Variants in BRWD1 observed in about 807,000 individuals in gnomAD.
The protein encoded by BRWD1 is bromodomain and WD repeat-containing protein 1.
Under a neutral mutation model 251.2 loss-of-function variants are expected in BRWD1, and 82 were observed. That is an observed-to-expected ratio of 0.33 (90% confidence interval 0.27 to 0.39). The LOEUF (loss-of-function observed/expected upper bound fraction) is 0.39. Ranked by LOEUF, BRWD1 falls within the 10% of genes least tolerant of loss-of-function variation. The pLI, the probability that BRWD1 is intolerant of heterozygous loss-of-function variation, is 1.00. For missense variants in BRWD1, 2,233 were observed against 2,711.6 expected (o/e 0.82, Z 3.92); for synonymous variants, 918 against 902.8 (o/e 1.02, Z -0.30).
Position 39,186,942 on chromosome 21 carries a change from T to G in BRWD1, c.*9317A>C. The G allele has an allele frequency of 6.7e-7, 1 of 1,496,064 alleles. No homozygotes were observed. Among genetic ancestry groups the G allele is most frequent in the Non-Finnish European group, 8.9e-7 (1 of 1,128,592 alleles). The allele number at this position is 1,496,064 out of a possible 1,614,324, so 92.7% of individuals were successfully genotyped here. A position where few individuals can be genotyped will look rare whatever the true frequency, so the allele number is the denominator to read the frequency against. Reference sequence around the variant, plus strand: ...TCCAAAGATGCCAATAAGGGAGTAATTTTAGAGCTGGGAGCAGAATGTAAC... The same window carrying G: ...TCCAAAGATGCCAATAAGGGAGTAAGTTTAGAGCTGGGAGCAGAATGTAAC... On this transcript the variant is annotated 3_prime_UTR_variant, in exon 41 of 41. Transcript: ENST00000342449.
chr21:39,215,318 T>TTA lies in BRWD1; in HGVS notation c.3702_3703dup (p.Asn1235IlefsTer12). The TTA allele has an allele frequency of 6.2e-7, 1 of 1,613,494 alleles. No individual in the cohort carries two copies. The highest frequency in any genetic ancestry group is 8.5e-7 in the Non-Finnish European group (1 of 1,179,440). The stretch of plus-strand genomic sequence containing the variant: ...CTCAGGTTCGTTAAATGTTCTGGCA[T>TTA]TATGTTCTATATATCTGACTTCCCA... On this transcript the variant is annotated frameshift_variant, in exon 32 of 41. Transcript: ENST00000342449. LOFTEE classifies it high-confidence loss of function.
rs376464102 is a variant in BRWD1 at position 39,192,151 on chromosome 21, T to C, written c.*4108A>G. ...AGATTATGAAAAAGGTAAAAATCTC[T>C]TACTTTTGAGAATCCCCATGTATCC... On this transcript the variant is annotated 3_prime_UTR_variant, in exon 41 of 41. Coordinates refer to ENST00000342449, the MANE Select transcript of BRWD1 (RefSeq NM_033656.4). 149 of 985,252 alleles carry C rather than the reference T, an allele frequency of 1.5e-4. 1 individual carries two copies. The South Asian group carries it at 6.1e-3, about 40-fold the overall frequency. 61.0% of individuals were successfully genotyped at this position (985,252 alleles called of 1,614,324 possible).
Position 39,274,403 on chromosome 21 carries a change from A to C in BRWD1, c.1215T>G (p.Ile405Met). Residue 405 changes from isoleucine (I) to methionine (M), a missense_variant, in exon 13 of 41, where the codon ATT becomes ATG. Transcript: ENST00000342449. ...AGATTCTGGTAGCCATATCCAATAA[A>C]ATGCTCCTCCATTCTAACTGCTCAA... is the stretch of plus-strand genomic sequence containing the variant. ...WRFEQLEWRS[I>M]LLDMATRISG... 6.2e-7 allele frequency: 1 copy of C among 1,613,948 alleles called. No individual in the cohort carries two copies. The highest frequency in any genetic ancestry group is 8.5e-7 in the Non-Finnish European group (1 of 1,179,900).
intron 15 of BRWD1, among the ~76,000 whole-genome samples, chr21:39,269,374 C>T (rs1403466201): frequency 6.6e-6 from 1 of 151,604 alleles, no homozygotes; most frequent in African/African-American, 2.4e-5. Flanking sequence ...CACTACATTG[C>T]CCAGGCTGGA....
intron 9 of BRWD1, 81 bp from the exon 10 acceptor site, chr21:39,278,894 A>C: frequency 9.5e-7 from 1 of 1,050,352 alleles, no homozygotes; most frequent in Non-Finnish European, 1.3e-6. Flanking sequence ...TTAATCTAGC[A>C]TATTTAAATA....
intron 8 of BRWD1, among the ~76,000 whole-genome samples, chr21:39,280,466 G>A (rs1482216757): frequency 6.6e-6 from 1 of 151,980 alleles, no homozygotes; most frequent in Admixed American, 6.6e-5. Flanking sequence ...GAACAAGACT[G>A]GCCAGAAAAA....
intron 34 of BRWD1, among the ~76,000 whole-genome samples, chr21:39,212,018 CCCTCAA>C (rs1157369372): frequency 6.6e-6 from 1 of 151,940 alleles, no homozygotes; most frequent in African/African-American, 2.4e-5. Context: ...TTCTCCTTAC[CCCTCAA>C]CCTCATCATC....
At chr21:39,312,804 A>G (rs1374957055) in intron 4 of BRWD1, 37 bp downstream of exon 4, 2 of 1,528,880 alleles carry the variant, frequency 1.3e-6, no homozygotes, top group East Asian at 4.8e-5. Flanking sequence ...GGGGCGGTGC[A>G]CGGAAAACCC....
chr21:39,258,992 A>C (rs111889303), intron 17 of BRWD1, among the ~76,000 whole-genome samples: 5 of 152,312 alleles, frequency 3.3e-5, no homozygotes, highest in African/African-American at 1.2e-4. Context: ...CATACTCGAT[A>C]TATTTCACTA....
rs139869530 is a variant in BRWD1 at position 39,204,826 on chromosome 21, G to C, written c.4364+1282C>G. Reference sequence around the variant, plus strand: ...CGCATGCAGTTACAAAAAGGTTCCTGCTCCTATGAAAATCGAATGCCCCCA... The same window carrying C: ...CGCATGCAGTTACAAAAAGGTTCCTCCTCCTATGAAAATCGAATGCCCCCA... On this transcript the variant is annotated intron_variant, in intron 37 of 40. Transcript: ENST00000342449. Among the ~76,000 whole-genome samples the C allele has an allele frequency of 2.8e-3, 424 of 152,192 alleles. 3 individuals are homozygous for C. The highest frequency in any genetic ancestry group is 9.6e-3 in the African/African-American group (400 of 41,526).
intron 37 of BRWD1, among the ~76,000 whole-genome samples, chr21:39,203,434 GGTTCTTTTTT>G (rs1283366819): frequency 6.2e-5 from 4 of 64,312 alleles, no homozygotes; most frequent in African/African-American, 1.4e-4. Flanking sequence ...GCAAGACCCT[GGTTCTTTTTT>G]TTTTTTTTTT....
upstream of BRWD1, among the ~76,000 whole-genome samples, chr21:39,318,657 G>A (rs1044814062): frequency 7.2e-5 from 11 of 151,914 alleles, no homozygotes; most frequent in South Asian, 2.1e-4. Context: ...GTTTTTTTCC[G>A]CTTTAGAGAC....
chr21:39,189,248 A>G lies in BRWD1; in HGVS notation c.*7011T>C. 1.0e-6 allele frequency: 1 copy of G among 984,948 alleles called. No individual in the cohort carries two copies. The highest frequency in any genetic ancestry group is 1.2e-6 in the Non-Finnish European group (1 of 829,500). 61.0% of individuals were successfully genotyped at this position (984,948 alleles called of 1,614,324 possible). On this transcript the variant is annotated 3_prime_UTR_variant, in exon 41 of 41. Transcript: ENST00000342449. ...ACTAGCTGCACCATTTGCATTTGGAAGAAAAGAACAGATAACTGGTTCATT... is the reference window on the plus strand; with the variant it reads ...ACTAGCTGCACCATTTGCATTTGGAGGAAAAGAACAGATAACTGGTTCATT...
chr21:39,296,055 C>G, intron 6 of BRWD1, 152 bp from the exon 7 acceptor site: 1 of 679,896 alleles, frequency 1.5e-6, no homozygotes, highest in Non-Finnish European at 2.2e-6. Context: ...CTTCTGTATT[C>G]AGTAACATAG....
At chr21:39,213,017 T>A (rs1027354991) in intron 33 of BRWD1, among the ~76,000 whole-genome samples, 2 of 152,182 alleles carry the variant, frequency 1.3e-5, no homozygotes, top group African/African-American at 4.8e-5. Flanking sequence ...TATCCACAAA[T>A]CCCCAGAAAC....
At chr21:39,278,647 T>C (rs979320605) in intron 10 of BRWD1, 96 bp downstream of exon 10, 1 of 842,190 alleles carries the variant, frequency 1.2e-6, no homozygotes, top group African/African-American at 1.8e-5. Flanking sequence ...AGAAGTCATT[T>C]ACCATGTAGC....
intron 38 of BRWD1, among the ~76,000 whole-genome samples, chr21:39,201,362 A>C (rs1283423027): frequency 1.3e-5 from 2 of 152,298 alleles, no homozygotes; most frequent in East Asian, 3.9e-4. Flanking sequence ...CATCACTGCC[A>C]AACTTAATCT....
intron 8 of BRWD1, among the ~76,000 whole-genome samples, chr21:39,282,979 A>C (rs2035520322): frequency 6.7e-6 from 1 of 148,658 alleles, no homozygotes; most frequent in African/African-American, 2.5e-5. Context: ...AAAAAAAAGG[A>C]ATTCTAAACC....
chr21:39,313,359 G>A (rs1344894286), intron 1 of BRWD1, 60 bp from the exon 2 acceptor site: 1 of 1,477,044 alleles, frequency 6.8e-7, no homozygotes, highest in East Asian at 2.8e-5. Context: ...GACGGGGCCA[G>A]GGGAGCCGGG....
Sources: gnomAD v4.1 joint callset for allele counts (sites outside exome capture counted in the v4.1 genomes callset) on GRCh38, gnomAD v4.1.1 for gene constraint, MANE v1.5 for transcripts, NCBI Gene and HGNC (gene_info 2026-07-23, HGNC 2026-07-21) for gene names.